The following ST18 variants were observed in gnomAD, a reference collection of about 807,000 sequenced individuals.
ST18 encodes the protein suppression of tumorigenicity 18 protein.
In ST18, 50 loss-of-function variants were observed where a neutral mutation model predicts 110.0. The ratio of observed to expected loss-of-function variants is 0.45; its 90% CI spans 0.36 to 0.58. The LOEUF (loss-of-function observed/expected upper bound fraction) is 0.58. Among genes scored for constraint, ST18 ranks in the 20% least tolerant of loss-of-function variants. ST18 has a pLI of 0.00. For synonymous variants in ST18, 461 were observed against 452.4 expected, an observed-to-expected ratio of 1.02 and a Z score of -0.24; for missense variants, 1,306 against 1,280.1, an observed-to-expected ratio of 1.02 and a Z score of -0.31.
intron 17 of ST18, among the ~76,000 whole-genome samples, chr8:52,138,126 A>T (rs149722936): frequency 2.0e-3 from 303 of 151,818 alleles, no homozygotes; most frequent in African/African-American, 6.8e-3. Context: ...AGAAAAAGAA[A>T]AATACATATG....
chr8:52,181,589 A>G (rs897999315), intron 8 of ST18, among the ~76,000 whole-genome samples: 1 of 152,234 alleles, frequency 6.6e-6, no homozygotes, highest in Non-Finnish European at 1.5e-5. Flanking sequence ...AGAAGAGTGA[A>G]GTTTCTAAAT....
At chr8:52,146,444 T>G (rs935748063) in intron 16 of ST18, among the ~76,000 whole-genome samples, 14 of 152,182 alleles carry the variant, frequency 9.2e-5, no homozygotes, top group Non-Finnish European at 1.5e-4. Flanking sequence ...GATTTTTTTT[T>G]CTTTTCCTTT....
chr8:52,347,100 G>A (rs972111997), intron 2 of ST18, among the ~76,000 whole-genome samples: 1 of 152,190 alleles, frequency 6.6e-6, no homozygotes, highest in Non-Finnish European at 1.5e-5. Flanking sequence ...CAGGAAGGTA[G>A]CTATGTAGTC....
chr8:52,312,728 G>T (rs1252921710), intron 2 of ST18, among the ~76,000 whole-genome samples: 1 of 152,182 alleles, frequency 6.6e-6, no homozygotes, highest in Non-Finnish European at 1.5e-5. Context: ...CAGCCCAAAT[G>T]CCTGGCCACA....
intron 2 of ST18, among the ~76,000 whole-genome samples, chr8:52,279,888 T>A (rs2095342863): frequency 1.3e-5 from 2 of 152,138 alleles, no homozygotes; most frequent in South Asian, 4.1e-4. Flanking sequence ...AGGAAAGAGA[T>A]CACCCAAAAC....
At chr8:52,127,216 A>T (rs977230356) in intron 22 of ST18, among the ~76,000 whole-genome samples, 1 of 152,214 alleles carries the variant, frequency 6.6e-6, no homozygotes, top group African/African-American at 2.4e-5. Context: ...TAATTATTCT[A>T]CACTAAGAGT....
intron 2 of ST18, among the ~76,000 whole-genome samples, chr8:52,398,947 C>T (rs1162724469): frequency 1.3e-5 from 2 of 151,830 alleles, no homozygotes; most frequent in African/African-American, 4.8e-5. Context: ...GTAATAATGC[C>T]CTCATAAAAT....
At chr8:52,409,174 T>C (rs750798737) in intron 2 of ST18, 154 bp downstream of exon 2, 10 of 152,272 alleles carry the variant, frequency 6.6e-5, no homozygotes, top group Non-Finnish European at 1.3e-4. Context: ...GACACAGGGC[T>C]GCCATGCCCA....
At chr8:52,139,388 C>T (rs2053903741) in intron 17 of ST18, among the ~76,000 whole-genome samples, 1 of 151,882 alleles carries the variant, frequency 6.6e-6, no homozygotes, top group Non-Finnish European at 1.5e-5. Context: ...CAGAGTCTCG[C>T]TTTGTCGCTC....
At chr8:52,265,187 C>A (rs957740665) in intron 2 of ST18, among the ~76,000 whole-genome samples, 2 of 152,160 alleles carry the variant, frequency 1.3e-5, no homozygotes, top group East Asian at 1.9e-4. Context: ...AAGGCAACTG[C>A]CGAAGCCCTA....
rs2040386643 is a variant in ST18 at position 52,110,969 on chromosome 8, T to A, written c.*2229A>T. Reference sequence around the variant, plus strand: ...ACAAACTACCTCAAATTAAAAAAAATGCATACATCATTGCCTTTTTGTTTA... The same window carrying A: ...ACAAACTACCTCAAATTAAAAAAAAAGCATACATCATTGCCTTTTTGTTTA... On this transcript the variant is annotated 3_prime_UTR_variant, in exon 26 of 26. Transcript: ENST00000689386. 2.5e-6 allele frequency: 1 copy of A among 398,444 alleles called. No homozygotes were observed. Among genetic ancestry groups the A allele is most frequent in the African/African-American group, 2.1e-5 (1 of 48,672 alleles). 24.7% of individuals were successfully genotyped at this position (398,444 alleles called of 1,614,324 possible).
At chr8:52,346,649 C>T (rs1817919285) in intron 2 of ST18, among the ~76,000 whole-genome samples, 2 of 152,178 alleles carry the variant, frequency 1.3e-5, no homozygotes, top group African/African-American at 4.8e-5. Context: ...CACACTGTTG[C>T]TACAAGTTAG....
At chr8:52,223,917 A>C (rs1184839978) in intron 3 of ST18, among the ~76,000 whole-genome samples, 1 of 152,134 alleles carries the variant, frequency 6.6e-6, no homozygotes, top group Non-Finnish European at 1.5e-5. Flanking sequence ...ATTGATACAG[A>C]CTCCAAAGAC....
chr8:52,232,477 TGA>T (rs1011324346), intron 2 of ST18, among the ~76,000 whole-genome samples: 11 of 152,184 alleles, frequency 7.2e-5, no homozygotes, highest in African/African-American at 2.7e-4. Flanking sequence ...CAAATTTCCT[TGA>T]GACATTCAAT....
intron 2 of ST18, among the ~76,000 whole-genome samples, chr8:52,293,042 C>T (rs1298539472): frequency 1.3e-5 from 2 of 152,232 alleles, no homozygotes; most frequent in Non-Finnish European, 2.9e-5. Flanking sequence ...TATGTACTTT[C>T]TCTCTGGACC....
chr8:52,376,135 C>T (rs549975100), intron 2 of ST18, among the ~76,000 whole-genome samples: 2 of 152,122 alleles, frequency 1.3e-5, no homozygotes, highest in Non-Finnish European at 2.9e-5. Flanking sequence ...CCCCTATAAC[C>T]GATTATCAGC....
intron 3 of ST18, among the ~76,000 whole-genome samples, chr8:52,225,648 A>G (rs2089078050): frequency 6.6e-6 from 1 of 152,234 alleles, no homozygotes; most frequent in South Asian, 2.1e-4. Context: ...GAGGAGAAAG[A>G]GCCAACGAGT....
At chr8:52,238,470 C>A (rs949000437) in intron 2 of ST18, among the ~76,000 whole-genome samples, 4 of 152,156 alleles carry the variant, frequency 2.6e-5, no homozygotes, top group Non-Finnish European at 5.9e-5. Flanking sequence ...ACCATTCAAT[C>A]CAGGAATACC....
chr8:52,154,227 C>T (rs571263975), intron 15 of ST18, among the ~76,000 whole-genome samples: 70 of 152,352 alleles, frequency 4.6e-4, no homozygotes, highest in East Asian at 1.7e-3. Context: ...TCAGGGTTCT[C>T]ACCGCCCAGA....
Sources: gnomAD v4.1 joint callset for allele counts (sites outside exome capture counted in the v4.1 genomes callset) on GRCh38, gnomAD v4.1.1 for gene constraint, MANE v1.5 for transcripts, NCBI Gene and HGNC (gene_info 2026-07-23, HGNC 2026-07-21) for gene names.